Variants in RANBP2 observed in about 807,000 individuals in gnomAD.
RANBP2 encodes the protein E3 SUMO-protein ligase RanBP2.
RANBP2 carries 57 observed loss-of-function variants against 303.6 expected under a neutral mutation model. That is an observed-to-expected ratio of 0.19 (90% CI 0.15 to 0.23). The LOEUF (loss-of-function observed/expected upper bound fraction) is 0.23, where lower values mean the gene tolerates loss of function less well. RANBP2 is among the 10% of genes least tolerant of loss of function. The pLI is 1.00. For synonymous variants in RANBP2, 1,167 were observed against 1,301.5 expected (o/e 0.90, Z 2.23); for missense variants, 3,138 against 3,780.8 (o/e 0.83, Z 4.46).
the RANBP2 span, among the ~76,000 whole-genome samples, chr2:109,697,469 G>A: frequency 1.4e-5 from 2 of 143,994 alleles, no homozygotes; most frequent in Middle Eastern, 3.7e-3. Flanking sequence ...TGGGCAATAA[G>A]AGCAAAACTC....
Position 108,763,651 on chromosome 2 carries a change from A to C in RANBP2, c.3112A>C (p.Lys1038Gln), listed in dbSNP as rs753042238. ...TCCTTTTAAATTTAACTCAAATTTC[A>C]AATCAAATGATGGTGACTTCACGTT... ...PTPFKFNSNF[K>Q]SNDGDFTFSS... Residue 1038 changes from lysine (K) to glutamine (Q), a missense_variant, in exon 20 of 29, where the codon AAA becomes CAA. Physicochemically the swap from Lys to Gln is moderately conservative, Grantham distance 53. Coordinates refer to ENST00000283195, the MANE Select transcript of RANBP2 (RefSeq NM_006267.5). 1 of 1,614,190 alleles carries C rather than the reference A, an allele frequency of 6.2e-7. No individual in the cohort carries two copies. The highest frequency in any genetic ancestry group is 1.1e-5 in the South Asian group (1 of 91,084).
the RANBP2 span, chr2:108,884,862 G>A: frequency 6.6e-6 from 1 of 151,240 alleles, no homozygotes. Flanking sequence ...GGTCTGCCAA[G>A]CCACACACCC....
chr2:109,082,364 T>A, the RANBP2 span, among the ~76,000 whole-genome samples: 2 of 151,902 alleles, frequency 1.3e-5, no homozygotes, highest in Non-Finnish European at 2.9e-5. Context: ...GCAGTGGTGC[T>A]ATCTTGGCTC....
the RANBP2 span, among the ~76,000 whole-genome samples, chr2:109,519,614 G>A: frequency 6.6e-6 from 1 of 152,136 alleles, no homozygotes; most frequent in Non-Finnish European, 1.5e-5. Flanking sequence ...TGAAAATTCT[G>A]TTTACACCCT....
chr2:109,246,643 G>C, the RANBP2 span, among the ~76,000 whole-genome samples: 65 of 152,282 alleles, frequency 4.3e-4, 1 homozygote, highest in African/African-American at 1.3e-3. Flanking sequence ...CTCCCTGCAC[G>C]TGTCTTATTT....
At chr2:109,569,847 G>GT in the RANBP2 span, among the ~76,000 whole-genome samples, 20,476 of 152,084 alleles carry the variant, frequency 0.13, 1,856 homozygotes, top group African/African-American at 0.26. Context: ...CACCAATGGC[G>GT]TAAGAGAAGA....
chr2:109,015,538 A>G, the RANBP2 span, among the ~76,000 whole-genome samples: 4 of 152,144 alleles, frequency 2.6e-5, no homozygotes, highest in Admixed American at 6.5e-5. Context: ...TGGGTGGACA[A>G]TTTGAGGCCA....
At chr2:108,804,989 A>G in the RANBP2 span, 1 of 1,541,712 alleles carries the variant, frequency 6.5e-7, no homozygotes, top group Non-Finnish European at 8.7e-7. Context: ...AAAGAATTGA[A>G]TGATACCTTA....
At chr2:108,903,886 G>C in the RANBP2 span, among the ~76,000 whole-genome samples, 22 of 152,020 alleles carry the variant, frequency 1.4e-4, no homozygotes, top group Non-Finnish European at 2.5e-4. Context: ...TCTAGGACTA[G>C]GCAAGAGAGA....
chr2:108,899,071 A>G, the RANBP2 span, among the ~76,000 whole-genome samples: 2 of 152,264 alleles, frequency 1.3e-5, no homozygotes, highest in African/African-American at 2.4e-5. Flanking sequence ...AGATTCAAGA[A>G]GATAAGCAAA....
At chr2:109,614,472 G>A in the RANBP2 span, 1 of 1,220,144 alleles carries the variant, frequency 8.2e-7, no homozygotes, top group Non-Finnish European at 1.0e-6. Flanking sequence ...CGCTGGCGGG[G>A]GAGCAGCGCG....
the RANBP2 span, among the ~76,000 whole-genome samples, chr2:109,537,225 C>A: frequency 1.3e-5 from 2 of 152,118 alleles, no homozygotes; most frequent in Non-Finnish European, 2.9e-5. Flanking sequence ...CTCCTTCTAG[C>A]CAGTGTTATA....
the RANBP2 span, among the ~76,000 whole-genome samples, chr2:108,871,390 A>T: frequency 1.3e-5 from 2 of 150,524 alleles, no homozygotes; most frequent in Non-Finnish European, 3.0e-5. Context: ...AAAAAAAAAA[A>T]AAAAATAGAA....
downstream of RANBP2, chr2:108,788,095 C>A: frequency 6.2e-7 from 1 of 1,602,372 alleles, no homozygotes; most frequent in Non-Finnish European, 8.5e-7. Flanking sequence ...CCCAGGTAAG[C>A]CGGTATTTTG....
At chr2:109,376,474 C>T in the RANBP2 span, among the ~76,000 whole-genome samples, 3 of 152,268 alleles carry the variant, frequency 2.0e-5, no homozygotes, top group African/African-American at 2.4e-5. Flanking sequence ...TTAGCAAATA[C>T]GCCAGTGATT....
chr2:109,038,335 A>G, the RANBP2 span, among the ~76,000 whole-genome samples: 1 of 152,138 alleles, frequency 6.6e-6, no homozygotes, highest in Non-Finnish European at 1.5e-5. Context: ...CCTCAGCAAA[A>G]TAAAAAACTT....
chr2:109,479,276 G>A, the RANBP2 span, among the ~76,000 whole-genome samples: 8 of 152,168 alleles, frequency 5.3e-5, no homozygotes, highest in South Asian at 2.1e-4. Context: ...GTGGGGACAC[G>A]GTCCTGTGAC....
intron 7 of RANBP2, among the ~76,000 whole-genome samples, chr2:108,741,285 C>T (rs1463580897): frequency 1.3e-5 from 2 of 152,004 alleles, no homozygotes; most frequent in Non-Finnish European, 2.9e-5. Flanking sequence ...CAGCCTCCAC[C>T]TCCTGGGTTC....
At chr2:109,682,706 G>A in the RANBP2 span, among the ~76,000 whole-genome samples, 4 of 152,142 alleles carry the variant, frequency 2.6e-5, no homozygotes, top group Non-Finnish European at 5.9e-5. Flanking sequence ...TTGGGAGGTC[G>A]AGGCAGGAAG....
Sources: allele counts gnomAD v4.1 joint callset (sites outside exome capture counted in the v4.1 genomes callset), GRCh38; gene constraint gnomAD v4.1.1; transcripts MANE v1.5; gene names NCBI Gene and HGNC (gene_info 2026-07-23, HGNC 2026-07-21).